The following LRRC28 variants were observed in gnomAD, a reference collection of about 807,000 sequenced individuals.
LRRC28 encodes the protein leucine rich repeat containing 28.
In LRRC28, 39 loss-of-function variants were observed where a neutral mutation model predicts 45.7. The ratio of observed to expected loss-of-function variants is 0.85; its 90% CI spans 0.66 to 1.12. The LOEUF is 1.12. Ranked by LOEUF, LRRC28 falls within the 50% of genes most tolerant of loss-of-function variation. The pLI is 0.00. For synonymous variants in LRRC28, 206 were observed against 178.8 expected, an observed-to-expected ratio of 1.15 and a Z score of -1.22; for missense variants, 435 against 438.5, an observed-to-expected ratio of 0.99 and a Z score of 0.07.
At chr15:99,270,284 A>C (rs955016200) in intron 2 of LRRC28, among the ~76,000 whole-genome samples, 5 of 152,216 alleles carry the variant, frequency 3.3e-5, no homozygotes, top group Non-Finnish European at 5.9e-5. Flanking sequence ...GGTGAAACTG[A>C]CATAACATAA....
intron 2 of LRRC28, chr15:99,259,283 C>A: frequency 9.1e-7 from 1 of 1,102,704 alleles, no homozygotes; most frequent in Non-Finnish European, 1.4e-6. Context: ...ATTTGTTTAG[C>A]GACTTCTGAA....
intron 5 of LRRC28, among the ~76,000 whole-genome samples, chr15:99,332,243 A>G (rs1013733757): frequency 2.6e-5 from 4 of 152,132 alleles, no homozygotes; most frequent in Non-Finnish European, 5.9e-5. Flanking sequence ...AGTGGAGCCA[A>G]GCGTGAAATT....
chr15:99,329,997 C>T (rs1450160672), intron 5 of LRRC28, among the ~76,000 whole-genome samples: 5 of 151,930 alleles, frequency 3.3e-5, no homozygotes, highest in Admixed American at 2.0e-4. Context: ...TATTTTATTG[C>T]GTAAAGTGAC....
In LRRC28 at chr15:99,252,612, A is replaced by G. The variant is rs542180062; in HGVS notation, c.-61+1071A>G. 3.9e-5 allele frequency among the ~76,000 whole-genome samples: 6 copies of G among 152,374 alleles called. No individual in the cohort carries two copies. The South Asian group carries it at 1.2e-3, about 32-fold the overall frequency. ...TTTCCTCCTCTACAAAACGGGCTAC[A>G]TAATGTCTATTGCAGTGCATGGTTG... is the stretch of plus-strand genomic sequence containing the variant. On this transcript the variant is annotated intron_variant, in intron 1 of 9. Transcript: ENST00000301981.
At chr15:99,266,332 C>T (rs1009920032) in intron 2 of LRRC28, among the ~76,000 whole-genome samples, 1 of 152,012 alleles carries the variant, frequency 6.6e-6, no homozygotes, top group African/African-American at 2.4e-5. Flanking sequence ...AGTGATAAAA[C>T]ACTAATTTTT....
At chr15:99,334,456 A>G (rs1395924171) in intron 6 of LRRC28, among the ~76,000 whole-genome samples, 1 of 151,094 alleles carries the variant, frequency 6.6e-6, no homozygotes, top group Non-Finnish European at 1.5e-5. Context: ...ATTGAACAAT[A>G]TGAAAAGATA....
intron 5 of LRRC28, among the ~76,000 whole-genome samples, chr15:99,331,269 T>C (rs1359771874): frequency 6.6e-6 from 1 of 152,232 alleles, no homozygotes; most frequent in Non-Finnish European, 1.5e-5. Flanking sequence ...GGTTTGCAGA[T>C]AATGCAATTC....
intron 5 of LRRC28, among the ~76,000 whole-genome samples, chr15:99,293,462 G>A (rs550456837): frequency 5.9e-5 from 9 of 151,320 alleles, no homozygotes; most frequent in South Asian, 2.1e-4. Flanking sequence ...GCGTGGTGGC[G>A]CATGCCTGTA....
At chr15:99,301,257 A>AT (rs981510985) in intron 5 of LRRC28, among the ~76,000 whole-genome samples, 1 of 152,186 alleles carries the variant, frequency 6.6e-6, no homozygotes, top group Non-Finnish European at 1.5e-5. Context: ...ATAGAATACT[A>AT]TTTTTTAAAG....
chr15:99,335,060 G>A (rs1397406851), intron 6 of LRRC28, among the ~76,000 whole-genome samples: 1 of 152,046 alleles, frequency 6.6e-6, no homozygotes, highest in Non-Finnish European at 1.5e-5. Context: ...ATTAAATTTT[G>A]TATTTATAAA....
intron 9 of LRRC28, among the ~76,000 whole-genome samples, chr15:99,383,469 C>G (rs1377363712): frequency 2.0e-5 from 3 of 152,202 alleles, no homozygotes; most frequent in Non-Finnish European, 4.4e-5. Context: ...CCTACCCCAT[C>G]TTGGCAGAAC....
intron 6 of LRRC28, among the ~76,000 whole-genome samples, chr15:99,347,358 C>T (rs545652342): frequency 1.3e-4 from 20 of 152,220 alleles, no homozygotes; most frequent in Admixed American, 7.2e-4. Context: ...TACAGGTGCC[C>T]GCACCATGCC....
At chr15:99,302,769 C>T (rs950851890) in intron 5 of LRRC28, among the ~76,000 whole-genome samples, 1 of 152,186 alleles carries the variant, frequency 6.6e-6, no homozygotes. Context: ...CTTTTTGTCT[C>T]TATAGTTTTG....
intron 9 of LRRC28, chr15:99,384,692 T>C (rs1567717471): frequency 6.6e-6 from 1 of 152,212 alleles, no homozygotes; most frequent in Non-Finnish European, 1.5e-5. Flanking sequence ...TCCCAATGCC[T>C]TTCCCTCCTG....
chr15:99,282,191 T>TTTTTTTTTTTTTTTTTTTTTTTTTTTTG (rs1327794715), intron 3 of LRRC28, among the ~76,000 whole-genome samples: 1 of 138,286 alleles, frequency 7.2e-6, no homozygotes, highest in Non-Finnish European at 1.6e-5. Context: ...TTTTTTTTTT[T>TTTTTTTTTTTTTTTTTTTTTTTTTTTTG]GTAGCAGTAG....
chr15:99,340,187 TG>T (rs1956460650), intron 6 of LRRC28, among the ~76,000 whole-genome samples: 1 of 152,246 alleles, frequency 6.6e-6, no homozygotes, highest in South Asian at 2.1e-4. Context: ...TCCAGTTTTT[TG>T]TAGTGGTAGT....
chr15:99,364,905 A>G (rs1351138498), intron 9 of LRRC28, among the ~76,000 whole-genome samples: 2 of 152,202 alleles, frequency 1.3e-5, no homozygotes, highest in African/African-American at 2.4e-5. Flanking sequence ...TCTTTATATT[A>G]GCAAGATATC....
At chr15:99,288,573 G>A (rs912392580) in intron 5 of LRRC28, among the ~76,000 whole-genome samples, 2 of 151,710 alleles carry the variant, frequency 1.3e-5, no homozygotes, top group Non-Finnish European at 2.9e-5. Flanking sequence ...GTAGAGATAG[G>A]GTTTCACCAT....
chr15:99,328,730 T>C (rs914264426), intron 5 of LRRC28, among the ~76,000 whole-genome samples: 3 of 149,120 alleles, frequency 2.0e-5, no homozygotes, highest in African/African-American at 7.5e-5. Flanking sequence ...TGAAGGTGAA[T>C]TGGTCTGTGT....
Sources: gnomAD v4.1 joint callset for allele counts (sites outside exome capture counted in the v4.1 genomes callset) on GRCh38, gnomAD v4.1.1 for gene constraint, MANE v1.5 for transcripts, NCBI Gene and HGNC (gene_info 2026-07-23, HGNC 2026-07-21) for gene names.